ZBTB20: variants seen among roughly 807,000 people sequenced by gnomAD.
ZBTB20 encodes zinc finger and BTB domain containing 20, also known as zinc finger and BTB domain-containing protein 20.
Under a neutral mutation model 56.9 loss-of-function variants are expected in ZBTB20, and 9 were observed. The ratio of observed to expected loss-of-function variants is 0.16; its 90% CI spans 0.10 to 0.28. ZBTB20 has a LOEUF of 0.28. Ranked by LOEUF, ZBTB20 falls within the 10% of genes least tolerant of loss-of-function variation. The pLI, the probability that ZBTB20 is intolerant of heterozygous loss-of-function variation, is 1.00. For missense variants in ZBTB20, 655 were observed against 1,003.0 expected, an observed-to-expected ratio of 0.65 and a Z score of 4.69; for synonymous variants, 417 against 420.7, an observed-to-expected ratio of 0.99 and a Z score of 0.11.
rs899278392 is a variant in ZBTB20 at position 114,327,793 on chromosome 3, T to C, written c.*11212A>G. ...CGCCTATGCACTCAAAACCACATAG[T>C]ACTCTAAATGTCACAGGACTTGTCT... is the stretch of plus-strand genomic sequence containing the variant. On this transcript the variant is annotated 3_prime_UTR_variant, in exon 12 of 12. Transcript: ENST00000675478. 6.6e-6 allele frequency: 1 copy of C among 152,234 alleles called. No individual in the cohort carries two copies. The highest frequency in any genetic ancestry group is 2.4e-5 in the African/African-American group (1 of 41,470). 9.4% of individuals were successfully genotyped at this position (152,234 alleles called of 1,614,324 possible). A position where few individuals can be genotyped will look rare whatever the true frequency, so the allele number is the denominator to read the frequency against.
chr3:114,902,488 C>T (rs2075159417), intron 3 of ZBTB20, among the ~76,000 whole-genome samples: 1 of 152,162 alleles, frequency 6.6e-6, no homozygotes, highest in South Asian at 2.1e-4. Context: ...AGATTTGGTA[C>T]ATTTTAAAGC....
chr3:114,754,764 TA>T (rs1473016362), intron 5 of ZBTB20, among the ~76,000 whole-genome samples: 1 of 152,154 alleles, frequency 6.6e-6, no homozygotes, highest in Non-Finnish European at 1.5e-5. Context: ...AATGGTGAGA[TA>T]TGGCTTAAAG....
chr3:114,536,948 G>A (rs1054572699), intron 6 of ZBTB20, among the ~76,000 whole-genome samples: 5 of 152,062 alleles, frequency 3.3e-5, no homozygotes, highest in African/African-American at 1.2e-4. Context: ...GCAGAAAACC[G>A]AAACTGGACC....
At chr3:114,483,655 C>T (rs1236578773) in intron 7 of ZBTB20, among the ~76,000 whole-genome samples, 1 of 152,144 alleles carries the variant, frequency 6.6e-6, no homozygotes, top group Admixed American at 6.5e-5. Context: ...ATGTAAGTGA[C>T]TGAGAACATG....
At chr3:115,046,515 T>C (rs527813508) in intron 2 of ZBTB20, among the ~76,000 whole-genome samples, 1 of 152,296 alleles carries the variant, frequency 6.6e-6, no homozygotes, top group African/African-American at 2.4e-5. Context: ...AATTCTGCTA[T>C]CTTGTCCTCA....
chr3:114,546,175 CCAGT>C (rs1358486659), intron 6 of ZBTB20, among the ~76,000 whole-genome samples: 5 of 151,786 alleles, frequency 3.3e-5, no homozygotes, highest in African/African-American at 1.2e-4. Context: ...GTTTTTGGAG[CCAGT>C]CAGTCTCTGG....
chr3:115,097,498 A>T (rs2083424615), intron 1 of ZBTB20, among the ~76,000 whole-genome samples: 1 of 152,164 alleles, frequency 6.6e-6, no homozygotes, highest in Non-Finnish European at 1.5e-5. Flanking sequence ...CAAAGAGCCA[A>T]AGCTGATTTT....
At chr3:114,819,343 C>G (rs2073115189) in intron 4 of ZBTB20, among the ~76,000 whole-genome samples, 1 of 151,684 alleles carries the variant, frequency 6.6e-6, no homozygotes, top group Non-Finnish European at 1.5e-5. Flanking sequence ...ATGAACTCAA[C>G]AAACTAAACA....
At position 114,550,861 on chromosome 3, in the gene ZBTB20, G is replaced by C. The variant is rs565215262; in HGVS notation, c.-294-50470C>G. 3.2e-4 allele frequency among the ~76,000 whole-genome samples: 48 copies of C among 152,076 alleles called. 1 individual carries two copies. Among genetic ancestry groups the C allele is most frequent in the Admixed American group, 2.9e-3 (45 of 15,276 alleles). On this transcript the variant is annotated intron_variant, in intron 6 of 11. Coordinates refer to ENST00000675478, the MANE Select transcript of ZBTB20 (RefSeq NM_001348800.3). Reference sequence around the variant, plus strand: ...TGCCTCCTGGGTTCAAGCGATTCTCGTGCCTCAGCGTCCCGAGTAGCTGTG... The same window carrying C: ...TGCCTCCTGGGTTCAAGCGATTCTCCTGCCTCAGCGTCCCGAGTAGCTGTG...
chr3:114,505,085 A>C (rs1457900920), intron 6 of ZBTB20, among the ~76,000 whole-genome samples: 1 of 152,170 alleles, frequency 6.6e-6, no homozygotes, highest in African/African-American at 2.4e-5. Flanking sequence ...TCACAGTGGT[A>C]AGCGAAAGCT....
At chr3:114,417,307 C>T (rs1390321413) in intron 7 of ZBTB20, among the ~76,000 whole-genome samples, 1 of 152,082 alleles carries the variant, frequency 6.6e-6, no homozygotes, top group Non-Finnish European at 1.5e-5. Flanking sequence ...ATTACTTCCA[C>T]AGAAAACACT....
intron 5 of ZBTB20, among the ~76,000 whole-genome samples, chr3:114,785,669 A>G (rs2070424349): frequency 6.6e-6 from 1 of 152,128 alleles, no homozygotes; most frequent in African/African-American, 2.4e-5. Context: ...AATTTTACAC[A>G]TTTAATATGT....
At chr3:114,883,795 G>T (rs573687285) in intron 4 of ZBTB20, among the ~76,000 whole-genome samples, 9 of 151,800 alleles carry the variant, frequency 5.9e-5, no homozygotes, top group African/African-American at 1.7e-4. Flanking sequence ...TCTGCACTGT[G>T]GTATTTCTAA....
chr3:115,106,282 G>T (rs878871858), intron 1 of ZBTB20, among the ~76,000 whole-genome samples: 1 of 139,262 alleles, frequency 7.2e-6, no homozygotes, highest in Admixed American at 7.6e-5. Context: ...CGCCCAGGCT[G>T]TAGTGCAGTG....
Position 114,350,267 on chromosome 3 carries a change from C to G in ZBTB20, c.1804+7G>C. The stretch of plus-strand genomic sequence containing the variant: ...GCTGCCAGGCCTCCAGGTGGGGTGA[C>G]ACTCACCTGTGTGTACGAACATGTG... On this transcript the variant is annotated splice_region_variant and intron_variant, in intron 11 of 11. Coordinates refer to ENST00000675478, the MANE Select transcript of ZBTB20 (RefSeq NM_001348800.3). The G allele has an allele frequency of 6.3e-7, 1 of 1,588,890 alleles. No individual in the cohort carries two copies. The highest frequency in any genetic ancestry group is 8.6e-7 in the Non-Finnish European group (1 of 1,162,626).
chr3:114,603,741 C>T (rs1401891548), intron 6 of ZBTB20, among the ~76,000 whole-genome samples: 2 of 151,738 alleles, frequency 1.3e-5, no homozygotes, highest in Non-Finnish European at 2.9e-5. Context: ...AGGAGATGAA[C>T]AGACACCTTA....
At chr3:114,836,234 G>C (rs2074113600) in intron 4 of ZBTB20, among the ~76,000 whole-genome samples, 1 of 152,110 alleles carries the variant, frequency 6.6e-6, no homozygotes, top group Non-Finnish European at 1.5e-5. Context: ...TTCCTCAGTG[G>C]ATTTTCTAGC....
chr3:114,569,292 T>C (rs957930449), intron 6 of ZBTB20, among the ~76,000 whole-genome samples: 2 of 152,124 alleles, frequency 1.3e-5, no homozygotes, highest in Non-Finnish European at 2.9e-5. Flanking sequence ...TAGGAGCCAG[T>C]GGATAGATGG....
intron 7 of ZBTB20, among the ~76,000 whole-genome samples, chr3:114,480,838 A>C (rs768014305): frequency 6.6e-6 from 1 of 151,938 alleles, no homozygotes; most frequent in African/African-American, 2.4e-5. Flanking sequence ...TTTTTTAAAC[A>C]GTTCAATGTC....
Sources: allele counts gnomAD v4.1 joint callset (sites outside exome capture counted in the v4.1 genomes callset), GRCh38; gene constraint gnomAD v4.1.1; transcripts MANE v1.5; gene names NCBI Gene and HGNC (gene_info 2026-07-23, HGNC 2026-07-21).